TMPRSS6: variants seen among roughly 807,000 people sequenced by gnomAD.
TMPRSS6 encodes the protein transmembrane serine protease 6, also known as transmembrane protease serine 6.
A neutral mutation model predicts 101.5 loss-of-function variants in TMPRSS6; 67 were observed. That is an observed-to-expected ratio of 0.66 (90% CI 0.54 to 0.81). TMPRSS6 has a LOEUF of 0.81. Among genes scored for constraint, TMPRSS6 ranks in the 30% least tolerant of loss-of-function variants. TMPRSS6 has a pLI of 0.00. For synonymous variants in TMPRSS6, 453 were observed against 464.9 expected (o/e 0.97, Z 0.33); for missense variants, 1,034 against 1,088.7 (o/e 0.95, Z 0.71).
At position 37,095,978 on chromosome 22, in the gene TMPRSS6, T is replaced by G; in HGVS notation, c.517A>C (p.Thr173Pro). ...QALLVEELLS[T>P]VNSSAAVPYR... The stretch of plus-strand genomic sequence containing the variant: ...GGGACGGCAGCCGAGCTGTTGACTG[T>G]GGACAGCAGCTCCTCCACCAGCAGT... Residue 173 changes from threonine (T) to proline (P), a missense_variant, in exon 5 of 18, where the codon ACA becomes CCA. Physicochemically the swap from Thr to Pro is conservative, Grantham distance 38. Coordinates refer to ENST00000676104, the MANE Select transcript of TMPRSS6 (RefSeq NM_001374504.1). 8.1e-6 allele frequency: 13 copies of G among 1,614,174 alleles called. No homozygotes were observed. Among genetic ancestry groups the G allele is most frequent in the Non-Finnish European group, 1.0e-5 (12 of 1,180,024 alleles).
At chr22:37,079,672 T>C (rs1205919893) in intron 10 of TMPRSS6, among the ~76,000 whole-genome samples, 3 of 152,214 alleles carry the variant, frequency 2.0e-5, no homozygotes, top group Non-Finnish European at 4.4e-5. Flanking sequence ...TGACCTTGGG[T>C]CACCCTCAGC....
At chr22:37,084,953 T>G (rs1928602478) in intron 8 of TMPRSS6, 114 bp from the exon 9 acceptor site, 1 of 771,474 alleles carries the variant, frequency 1.3e-6, no homozygotes, top group Non-Finnish European at 2.2e-6. Flanking sequence ...TTGCTGTGGT[T>G]GAATGTGATT....
chr22:37,097,370 A>G (rs1929857752), intron 3 of TMPRSS6, among the ~76,000 whole-genome samples: 1 of 152,238 alleles, frequency 6.6e-6, no homozygotes, highest in South Asian at 2.1e-4. Flanking sequence ...CAACCAACAC[A>G]GGGCCATGAA....
chr22:37,090,868 G>A lies in TMPRSS6; in HGVS notation c.632-1086C>T, dbSNP rs117913010. Among the ~76,000 whole-genome samples the A allele has an allele frequency of 8.5e-4, 130 of 152,304 alleles. 2 individuals carry two copies. In the East Asian group the frequency reaches 0.019, roughly 22 times the overall value. Reference sequence around the variant, plus strand: ...TTCCTCAGGTGGGTGTGAGGGAGACGGAGCAGGTAGGGCTGGGGAGAAAGG... The same window carrying A: ...TTCCTCAGGTGGGTGTGAGGGAGACAGAGCAGGTAGGGCTGGGGAGAAAGG... On this transcript the variant is annotated intron_variant, in intron 6 of 17. Coordinates refer to ENST00000676104, the MANE Select transcript of TMPRSS6 (RefSeq NM_001374504.1).
rs1930338859 is a variant in TMPRSS6, at chr22:37,101,849, G to A, written c.202+1367C>T. 6.6e-6 allele frequency among the ~76,000 whole-genome samples: 1 copy of A among 152,202 alleles called. No individual in the cohort carries two copies. Among genetic ancestry groups the A allele is most frequent in the Non-Finnish European group, 1.5e-5 (1 of 68,022 alleles). On this transcript the variant is annotated intron_variant, in intron 2 of 17. Coordinates refer to ENST00000676104, the MANE Select transcript of TMPRSS6 (RefSeq NM_001374504.1). The surrounding 1 kb of genome is among the most constrained non-coding windows in gnomAD (Gnocchi z 4.1). ...CGTGGTTTACCCTGTAGACTAATTA[G>A]CCCGCTACCTGAGGAGGCCCCCACA...
At position 37,069,139 on chromosome 22, in the gene TMPRSS6, G is replaced by C; in HGVS notation, c.2047C>G (p.Arg683Gly). The change falls in exon 16 of 18, where the codon CGC becomes GGC. Residue 683 changes from arginine to glycine, a missense_variant. Physicochemically the swap from Arg to Gly is moderately radical, Grantham distance 125. Transcript: ENST00000676104. The surrounding 1 kb of genome is among the most constrained non-coding windows in gnomAD (Gnocchi z 4.8). ...AGGCCGGGCTCGAAGAAGTGGGAGC[G>C]CGCGGGCAGGCAGACGGGGCGCACG... ...AAVRPVCLPARSHFFEPGLHC... is the reference protein window; with the variant it reads ...AAVRPVCLPAGSHFFEPGLHC... 1 of 1,570,102 alleles carries C rather than the reference G, an allele frequency of 6.4e-7. No individual in the cohort carries two copies. Among genetic ancestry groups the C allele is most frequent in the Non-Finnish European group, 8.6e-7 (1 of 1,159,518 alleles).
intron 11 of TMPRSS6, 67 bp downstream of exon 11, chr22:37,075,068 G>A (rs1391747526): frequency 6.8e-6 from 11 of 1,610,958 alleles, no homozygotes; most frequent in East Asian, 2.2e-5. Flanking sequence ...AGCCCCCTTG[G>A]TGGTTCCAGG....
rs1926335421 is a variant in TMPRSS6 at position 37,066,834 on chromosome 22, C to T, written c.2242G>A (p.Ala748Thr). Reference protein sequence around the residue: ...CAGYRKGKKDACQGDSGGPLV... With the variant: ...CAGYRKGKKDTCQGDSGGPLV... Reference sequence around the variant, plus strand: ...ATGCCCGGGGGACTCACCTGACAGGCATCCTTCTTGCCCTTGCGGTAGCCG... The same window carrying T: ...ATGCCCGGGGGACTCACCTGACAGGTATCCTTCTTGCCCTTGCGGTAGCCG... The change falls in exon 17 of 18, where the codon GCC becomes ACC. Residue 748 changes from alanine (A) to threonine (T), a missense_variant. By Grantham distance (58) the Ala-to-Thr change is moderately conservative. Transcript: ENST00000676104. The T allele has an allele frequency of 3.1e-6, 5 of 1,614,230 alleles. No homozygotes were observed. Among genetic ancestry groups the T allele is most frequent in the Non-Finnish European group, 3.4e-6 (4 of 1,180,034 alleles).
chr22:37,082,214 A>G (rs1005478), intron 10 of TMPRSS6, among the ~76,000 whole-genome samples: 97,911 of 152,094 alleles, frequency 0.64, 33,315 homozygotes, highest in African/African-American at 0.87. Context: ...TCTGGGAAAC[A>G]GGAACGGCGC....
chr22:37,086,522 A>T (rs1379086270), intron 7 of TMPRSS6, 103 bp from the exon 8 acceptor site: 1 of 1,290,254 alleles, frequency 7.8e-7, no homozygotes, highest in Non-Finnish European at 1.1e-6. Context: ...GAGTCTGGAC[A>T]TCTGGGTTCT....
Position 37,073,781 on chromosome 22 carries a change from G to A in TMPRSS6, c.1442-136C>T, listed in dbSNP as rs13055107. ...TCTTTCTCTGCTACTTTATTTTTATGTCTCGCTCTTGTCACGAAGGCTGGA... is the reference window on the plus strand; with the variant it reads ...TCTTTCTCTGCTACTTTATTTTTATATCTCGCTCTTGTCACGAAGGCTGGA... On this transcript the variant is annotated intron_variant, in intron 12 of 17. Transcript: ENST00000676104. 104,192 of 716,262 alleles carry A rather than the reference G, an allele frequency of 0.15. 8,461 individuals are homozygous for A. The highest frequency in any genetic ancestry group is 0.22 in the Admixed American group (11,026 of 50,936). 44.4% of individuals were successfully genotyped at this position (716,262 alleles called of 1,614,324 possible).
chr22:37,098,276 C>T, intron 3 of TMPRSS6, 140 bp downstream of exon 3: 2 of 1,290,744 alleles, frequency 1.5e-6, no homozygotes, highest in Non-Finnish European at 2.2e-6. Flanking sequence ...ACCTCATCTG[C>T]TTCCATGGTG....
At chr22:37,067,467 CAAAAAA>C in intron 16 of TMPRSS6, among the ~76,000 whole-genome samples, 2 of 151,506 alleles carry the variant, frequency 1.3e-5, no homozygotes, top group African/African-American at 4.8e-5. Flanking sequence ...AACTCTGTCT[CAAAAAA>C]ACAAAAAAAA....
At chr22:37,108,476 G>A (rs867564827) in intron 1 of TMPRSS6, among the ~76,000 whole-genome samples, 2 of 152,122 alleles carry the variant, frequency 1.3e-5, no homozygotes, top group Admixed American at 1.3e-4. Context: ...CAGTCCCCCA[G>A]CTCTGAGCAC....
chr22:37,089,740 C>T lies in TMPRSS6; in HGVS notation c.674G>A (p.Arg225Gln), dbSNP rs767608181. 23 of 1,612,486 alleles carry T rather than the reference C, an allele frequency of 1.4e-5. No homozygotes were observed. In the Admixed American group the frequency reaches 2.2e-4, roughly 15 times the overall value. ...YSYVGQGQVL[R>Q]LKGPDHLASS... ...GGCCAGGTGGTCAGGCCCCTTCAGC[C>T]GGAGGACCTGGCCCTGGCCCACGTA... is the stretch of plus-strand genomic sequence containing the variant. Residue 225 changes from arginine (R) to glutamine (Q), a missense_variant, in exon 7 of 18, where the codon CGG (arginine) becomes CAG (glutamine). By Grantham distance (43) the Arg-to-Gln change is conservative. Transcript: ENST00000676104.
chr22:37,090,423 C>T (rs933694805), intron 6 of TMPRSS6, among the ~76,000 whole-genome samples: 1 of 152,198 alleles, frequency 6.6e-6, no homozygotes, highest in Non-Finnish European at 1.5e-5. Flanking sequence ...GGGATGAGGG[C>T]TTCACTTCCG....
chr22:37,070,073 C>G (rs1442444813), intron 15 of TMPRSS6, among the ~76,000 whole-genome samples: 2 of 152,076 alleles, frequency 1.3e-5, no homozygotes, highest in African/African-American at 4.8e-5. Context: ...TGAGATGTCC[C>G]CTGGGGGCTC....
At chr22:37,078,995 A>G (rs893650831) in intron 10 of TMPRSS6, among the ~76,000 whole-genome samples, 1 of 151,246 alleles carries the variant, frequency 6.6e-6, no homozygotes, top group Non-Finnish European at 1.5e-5. Context: ...GAAAGAAAGA[A>G]AGAAAGAAAG....
rs918915859 is a variant in TMPRSS6 at position 37,081,258 on chromosome 22, G to A, written c.1196+3037C>T. ...CCCGCGTGTGCAATGTTCTCCACGCGTTGTCTCACTTAGTCTTCCCAGGGT... is the reference window on the plus strand; with the variant it reads ...CCCGCGTGTGCAATGTTCTCCACGCATTGTCTCACTTAGTCTTCCCAGGGT... On this transcript the variant is annotated intron_variant, in intron 10 of 17. Transcript: ENST00000676104. 4.6e-5 allele frequency among the ~76,000 whole-genome samples: 7 copies of A among 152,194 alleles called. No homozygotes were observed. The East Asian group carries it at 5.8e-4, about 13-fold the overall frequency.
Sources: gnomAD v4.1 joint callset for allele counts (sites outside exome capture counted in the v4.1 genomes callset) on GRCh38, gnomAD v4.1.1 for gene constraint, Gnocchi (gnomAD v3.1) non-coding constraint, MANE v1.5 for transcripts, NCBI Gene and HGNC (gene_info 2026-07-23, HGNC 2026-07-21) for gene names.